The following DRC8 variants were observed in gnomAD, a reference collection of about 807,000 sequenced individuals.
DRC8 encodes the protein dynein regulatory complex subunit 8.
At chr1:245,114,773 A>G in the DRC8 span, among the ~76,000 whole-genome samples, 6 of 152,192 alleles carry the variant, frequency 3.9e-5, no homozygotes, top group Non-Finnish European at 8.8e-5. Context: ...CTGTTGCCCA[A>G]GCTGGAGGGC....
the DRC8 span, among the ~76,000 whole-genome samples, chr1:245,064,041 T>A: frequency 3.9e-5 from 6 of 152,190 alleles, no homozygotes; most frequent in South Asian, 6.2e-4. Flanking sequence ...AACTTTTTTT[T>A]AAAAAAAGAG....
At chr1:245,099,921 G>A in the DRC8 span, among the ~76,000 whole-genome samples, 1 of 152,090 alleles carries the variant, frequency 6.6e-6, no homozygotes, top group African/African-American at 2.4e-5. Flanking sequence ...CCATCAACTC[G>A]AGGCCAATCC....
the DRC8 span, among the ~76,000 whole-genome samples, chr1:245,001,069 G>A: frequency 7.9e-5 from 12 of 152,034 alleles, no homozygotes; most frequent in Non-Finnish European, 1.2e-4. Flanking sequence ...TGAACAGTTA[G>A]GTGTTAAATA....
chr1:245,011,859 ATAT>A, the DRC8 span, among the ~76,000 whole-genome samples: 1 of 152,208 alleles, frequency 6.6e-6, no homozygotes, highest in South Asian at 2.1e-4. Context: ...CTACATATAA[ATAT>A]TATATATAAA....
the DRC8 span, among the ~76,000 whole-genome samples, chr1:245,057,284 G>T: frequency 6.6e-6 from 1 of 152,130 alleles, no homozygotes; most frequent in Admixed American, 6.5e-5. Context: ...ATATAGGTTG[G>T]TGCAAAAGTA....
chr1:244,979,631 G>A, the DRC8 span, among the ~76,000 whole-genome samples: 1 of 151,660 alleles, frequency 6.6e-6, no homozygotes, highest in South Asian at 2.1e-4. Context: ...TAGTAGAGAC[G>A]GGGTTTCACC....
At chr1:245,005,026 A>G in the DRC8 span, among the ~76,000 whole-genome samples, 12 of 152,270 alleles carry the variant, frequency 7.9e-5, no homozygotes, top group Middle Eastern at 3.4e-3. Context: ...TTCTGTGTCT[A>G]TTGAGATGAC....
the DRC8 span, among the ~76,000 whole-genome samples, chr1:245,068,254 TA>T: frequency 6.6e-6 from 1 of 152,166 alleles, no homozygotes; most frequent in Non-Finnish European, 1.5e-5. Flanking sequence ...GACTAATAAA[TA>T]CGGTTTTATT....
chr1:245,005,756 C>T, the DRC8 span, among the ~76,000 whole-genome samples: 1 of 152,064 alleles, frequency 6.6e-6, no homozygotes, highest in Non-Finnish European at 1.5e-5. Flanking sequence ...GTTTGATAGA[C>T]TATTATGATA....
At chr1:245,041,879 C>T in the DRC8 span, among the ~76,000 whole-genome samples, 3 of 151,986 alleles carry the variant, frequency 2.0e-5, no homozygotes, top group African/African-American at 7.3e-5. Context: ...TTGAGGAAGG[C>T]CCCAGAAGCA....
chr1:244,971,168 C>G, the DRC8 span: 1 of 152,368 alleles, frequency 6.6e-6, no homozygotes, highest in African/African-American at 2.4e-5. Flanking sequence ...GCCCCGCCGC[C>G]GGCTAGCGCC....
the DRC8 span, among the ~76,000 whole-genome samples, chr1:245,023,997 C>A: frequency 2.0e-5 from 3 of 152,002 alleles, no homozygotes; most frequent in African/African-American, 7.3e-5. Context: ...TGGTGAAACC[C>A]CGTCTCTACT....
At chr1:245,020,520 G>T in the DRC8 span, among the ~76,000 whole-genome samples, 12 of 150,916 alleles carry the variant, frequency 8.0e-5, no homozygotes, top group African/African-American at 2.2e-4. Context: ...TCCGGGGTCT[G>T]TGAAGTCATA....
the DRC8 span, among the ~76,000 whole-genome samples, chr1:245,044,550 GATTTATTTATTT>G: frequency 1.1e-4 from 17 of 150,012 alleles, no homozygotes; most frequent in East Asian, 2.0e-4. Flanking sequence ...GCCCAGGCTG[GATTTATTTATTT>G]ATTTATTTAT....
the DRC8 span, among the ~76,000 whole-genome samples, chr1:245,105,556 G>A: frequency 3.3e-5 from 5 of 149,422 alleles, no homozygotes; most frequent in Admixed American, 2.7e-4. Context: ...CCAGGACATG[G>A]CGGTTGCAGT....
At chr1:244,974,779 C>T in the DRC8 span, among the ~76,000 whole-genome samples, 11,698 of 152,064 alleles carry the variant, frequency 0.077, 542 homozygotes, top group East Asian at 0.11. Flanking sequence ...ACTACAGCCT[C>T]GACCTCCTGG....
At chr1:244,994,306 T>G in the DRC8 span, among the ~76,000 whole-genome samples, 1 of 152,332 alleles carries the variant, frequency 6.6e-6, no homozygotes, top group African/African-American at 2.4e-5. Context: ...CCTTTTAAAA[T>G]TTTTCATAGG....
the DRC8 span, among the ~76,000 whole-genome samples, chr1:245,020,512 C>T: frequency 6.6e-5 from 10 of 152,010 alleles, no homozygotes; most frequent in Admixed American, 3.9e-4. Context: ...AGACCCTTTC[C>T]GGGGTCTGTG....
At chr1:245,085,990 C>A in the DRC8 span, among the ~76,000 whole-genome samples, 1 of 152,184 alleles carries the variant, frequency 6.6e-6, no homozygotes, top group Non-Finnish European at 1.5e-5. Context: ...GAGACTGACT[C>A]AAACAGAAAG....
Sources: gnomAD v4.1 joint callset for allele counts (sites outside exome capture counted in the v4.1 genomes callset) on GRCh38, gnomAD v4.1.1 for gene constraint, MANE v1.5 for transcripts, NCBI Gene and HGNC (gene_info 2026-07-23, HGNC 2026-07-21) for gene names.